NCF2: variants seen among roughly 807,000 people sequenced by gnomAD.
NCF2 encodes neutrophil cytosol factor 2.
A neutral mutation model predicts 70.9 loss-of-function variants in NCF2; 45 were observed. That is an observed-to-expected ratio of 0.63 (90% CI 0.50 to 0.81). The LOEUF (loss-of-function observed/expected upper bound fraction) is 0.81, where lower values mean the gene tolerates loss of function less well. NCF2 is among the 40% of genes least tolerant of loss of function. The probability of loss-of-function intolerance (pLI) is 0.00; values close to 1 mark genes in which losing one functional copy is unlikely to be tolerated. For synonymous variants in NCF2, 203 were observed against 233.6 expected, an observed-to-expected ratio of 0.87 and a Z score of 1.19; for missense variants, 522 against 631.6, an observed-to-expected ratio of 0.83 and a Z score of 1.86.
At chr1:183,595,648 T>C (rs960520856), upstream of NCF2, among the ~76,000 whole-genome samples, 2 of 152,162 alleles carry the variant, frequency 1.3e-5, no homozygotes, top group Non-Finnish European at 2.9e-5. Context: ...TCATGAAAGC[T>C]TCCTTCTTCA....
intron 2 of NCF2, 87 bp from the exon 3 acceptor site, chr1:183,577,794 A>G: frequency 1.0e-6 from 1 of 983,378 alleles, no homozygotes. Context: ...TCCCTTCCCC[A>G]TCTATTTCAC....
chr1:183,575,885 C>T (rs528481761), intron 3 of NCF2, among the ~76,000 whole-genome samples: 21 of 152,284 alleles, frequency 1.4e-4, no homozygotes, highest in African/African-American at 3.4e-4. Flanking sequence ...GGATCAACCC[C>T]GGAAGTGGAA....
Position 183,570,769 on chromosome 1 carries a change from G to C in NCF2, c.669+11C>G. ...GACCTAGGTCCATGGAGAAGGTCAG[G>C]ACTGCCTTACCTGTGGTTGCAGAGG... On this transcript the variant is annotated intron_variant, in intron 6 of 14. Coordinates refer to ENST00000367535, the MANE Select transcript of NCF2 (RefSeq NM_000433.4). 1 of 1,613,898 alleles carries C rather than the reference G, an allele frequency of 6.2e-7. No homozygotes were observed. Among genetic ancestry groups the C allele is most frequent in the African/African-American group, 1.3e-5 (1 of 75,046 alleles).
intron 6 of NCF2, among the ~76,000 whole-genome samples, chr1:183,570,069 G>C (rs1353322856): frequency 1.3e-5 from 2 of 152,348 alleles, no homozygotes; most frequent in East Asian, 3.9e-4. Context: ...TGAAGAAAGA[G>C]ATCAAGGAAT....
chr1:183,567,179 C>T (rs1174918008), intron 8 of NCF2, 25 bp downstream of exon 8: 1 of 1,614,164 alleles, frequency 6.2e-7, no homozygotes, highest in African/African-American at 1.3e-5. Flanking sequence ...ATGCCCATCG[C>T]ACCAGCCCCT....
chr1:183,590,014 A>C, intron 1 of NCF2, 142 bp downstream of exon 1: 1 of 1,306,678 alleles, frequency 7.7e-7, no homozygotes, highest in Non-Finnish European at 1.1e-6. Context: ...AGACCAGTTA[A>C]ATCAGGCTGT....
chr1:183,559,950 G>A, intron 14 of NCF2, 146 bp downstream of exon 14: 1 of 803,552 alleles, frequency 1.2e-6, no homozygotes, highest in Non-Finnish European at 2.1e-6. Flanking sequence ...GCTCAACTTT[G>A]CTCCCTCCAG....
intron 2 of NCF2, among the ~76,000 whole-genome samples, chr1:183,580,997 T>C (rs1203783614): frequency 7.0e-6 from 1 of 143,438 alleles, no homozygotes; most frequent in East Asian, 2.0e-4. Flanking sequence ...AAAAAAGGTG[T>C]CTACAGATTT....
chr1:183,586,970 G>C lies in NCF2; in HGVS notation c.182C>G (p.Thr61Ser). The C allele has an allele frequency of 6.2e-7, 1 of 1,613,990 alleles. No individual in the cohort carries two copies. Among genetic ancestry groups the C allele is most frequent in the Non-Finnish European group, 8.5e-7 (1 of 1,179,870 alleles). The part of the protein sequence containing the change: ...KNMTEAEKAF[T>S]RSINRDKHLA... ...GTGCTTGTCTCGGTTAATGCTTCTGGTAAAGGCCTGAGGAGAGAAGGGTCC... is the reference window on the plus strand; with the variant it reads ...GTGCTTGTCTCGGTTAATGCTTCTGCTAAAGGCCTGAGGAGAGAAGGGTCC... The change falls in exon 2 of 15, where the codon ACC becomes AGC. Residue 61 changes from threonine to serine, a missense_variant. Transcript: ENST00000367535.
At chr1:183,571,864 A>G (rs1431165766) in intron 5 of NCF2, among the ~76,000 whole-genome samples, 4 of 152,228 alleles carry the variant, frequency 2.6e-5, no homozygotes, top group Non-Finnish European at 5.9e-5. Flanking sequence ...GGCCTTTCGT[A>G]TCTGGCTTCC....
chr1:183,572,810 C>T (rs1672626981), intron 5 of NCF2, among the ~76,000 whole-genome samples: 1 of 151,908 alleles, frequency 6.6e-6, no homozygotes, highest in Non-Finnish European at 1.5e-5. Flanking sequence ...GTGATCCTCC[C>T]ACTTCAGCCT....
the NCF2 span, among the ~76,000 whole-genome samples, chr1:183,599,482 C>CTTTCTTTCTT: frequency 2.1e-4 from 15 of 73,032 alleles, no homozygotes; most frequent in East Asian, 9.0e-4. Flanking sequence ...TTCTTTCTTT[C>CTTTCTTTCTT]TCTTTTCTTT....
intron 5 of NCF2, among the ~76,000 whole-genome samples, chr1:183,572,464 G>C (rs1243952774): frequency 1.3e-5 from 2 of 152,198 alleles, no homozygotes; most frequent in African/African-American, 4.8e-5. Context: ...TTACAGGCAT[G>C]AGTCACCATG....
intron 2 of NCF2, among the ~76,000 whole-genome samples, 175 bp from the exon 3 acceptor site, chr1:183,577,882 C>T (rs1307661806): frequency 1.3e-5 from 2 of 152,216 alleles, no homozygotes; most frequent in East Asian, 3.8e-4. Context: ...CTATACAACT[C>T]CTTGGGAATG....
At chr1:183,601,326 A>G in the NCF2 span, among the ~76,000 whole-genome samples, 1 of 152,122 alleles carries the variant, frequency 6.6e-6, no homozygotes, top group Non-Finnish European at 1.5e-5. Context: ...TGAGTGCCCC[A>G]TTTTCCAATT....
chr1:183,586,850 T>A, intron 2 of NCF2, 45 bp downstream of exon 2: 1 of 1,573,894 alleles, frequency 6.4e-7, no homozygotes, highest in Non-Finnish European at 8.7e-7. Flanking sequence ...ACCCCTTGGG[T>A]TTCTCTCTGA....
intron 14 of NCF2, 43 bp downstream of exon 14, chr1:183,560,053 C>T (rs748243328): frequency 4.5e-5 from 71 of 1,593,036 alleles, no homozygotes; most frequent in Non-Finnish European, 5.2e-5. Flanking sequence ...CTTGTTTCTG[C>T]TAACATGTAA....
rs1238613209 is a variant in NCF2 at position 183,569,581 on chromosome 1, A to T, written c.670-396T>A. The stretch of plus-strand genomic sequence containing the variant: ...TCACATGACACTTCTGAGTATTTTT[A>T]AATTAATTTAAAAAAAATTTTTTTT... On this transcript the variant is annotated intron_variant, in intron 6 of 14. Coordinates refer to ENST00000367535, the MANE Select transcript of NCF2 (RefSeq NM_000433.4). 2.0e-5 allele frequency among the ~76,000 whole-genome samples: 3 copies of T among 152,118 alleles called. No homozygotes were observed. In the East Asian group the frequency reaches 5.8e-4, roughly 29 times the overall value.
At chr1:183,572,358 A>G (rs568863002) in intron 5 of NCF2, among the ~76,000 whole-genome samples, 48 of 152,106 alleles carry the variant, frequency 3.2e-4, no homozygotes, top group African/African-American at 1.0e-3. Flanking sequence ...CTAATTTTGT[A>G]TTTTTAGTAG....
Sources: allele counts gnomAD v4.1 joint callset (sites outside exome capture counted in the v4.1 genomes callset), GRCh38; gene constraint gnomAD v4.1.1; transcripts MANE v1.5; gene names NCBI Gene and HGNC (gene_info 2026-07-23, HGNC 2026-07-21).